PIK3CG: variants seen among roughly 807,000 people sequenced by gnomAD.
The protein encoded by PIK3CG is phosphatidylinositol-4,5-bisphosphate 3-kinase catalytic subunit gamma.
In PIK3CG, 55 loss-of-function variants were observed where a neutral mutation model predicts 102.3. The observed-to-expected ratio is 0.54, with a 90% CI of 0.43 to 0.67. The LOEUF is 0.67. Ranked by LOEUF, PIK3CG falls within the 30% of genes least tolerant of loss-of-function variation. PIK3CG has a pLI of 0.00. For synonymous variants in PIK3CG, 552 were observed against 540.0 expected (o/e 1.02, Z -0.31); for missense variants, 1,258 against 1,391.8 (o/e 0.90, Z 1.53).
Position 106,874,855 on chromosome 7 carries a change from A to G in PIK3CG, c.2391+52A>G. 8.2e-7 allele frequency: 1 copy of G among 1,214,370 alleles called. No individual in the cohort carries two copies. Among genetic ancestry groups the G allele is most frequent in the Non-Finnish European group, 1.2e-6 (1 of 826,602 alleles). 75.2% of individuals were successfully genotyped at this position (1,214,370 alleles called of 1,614,324 possible). A position where few individuals can be genotyped will look rare whatever the true frequency, so the allele number is the denominator to read the frequency against. ...TGGTCTTTATGTCTTGAAGATGTCT[A>G]ACGTGCTTGCTGGGGCCCAGTACTT... On this transcript the variant is annotated intron_variant, in intron 5 of 10. Coordinates refer to ENST00000496166, the MANE Select transcript of PIK3CG (RefSeq NM_001282426.2). The surrounding 1 kb of genome is among the most constrained non-coding windows in gnomAD (Gnocchi z 4.3).
chr7:106,870,495 C>G (rs948409507), intron 2 of PIK3CG, among the ~76,000 whole-genome samples: 4 of 152,192 alleles, frequency 2.6e-5, no homozygotes, highest in Admixed American at 6.5e-5. Context: ...ACTGAGAAGA[C>G]TGGCATTAAA....
chr7:106,875,100 C>A (rs141128712), intron 5 of PIK3CG, among the ~76,000 whole-genome samples: 1 of 152,114 alleles, frequency 6.6e-6, no homozygotes, highest in Non-Finnish European at 1.5e-5. Context: ...CCTGTAATCC[C>A]AGCACTTTGG....
At chr7:106,886,327 C>G (rs758183534) in intron 10 of PIK3CG, 35 bp downstream of exon 10, 4 of 1,609,830 alleles carry the variant, frequency 2.5e-6, no homozygotes, top group Non-Finnish European at 3.4e-6. Context: ...CTGAGAATAG[C>G]ACCGAAGCAG....
intron 9 of PIK3CG, among the ~76,000 whole-genome samples, chr7:106,885,573 C>A (rs1051821499): frequency 2.0e-5 from 3 of 151,882 alleles, no homozygotes; most frequent in African/African-American, 7.3e-5. Flanking sequence ...TGATAAAGGG[C>A]TAAACAAATA....
At chr7:106,878,451 CCTCT>C (rs765838200) in intron 5 of PIK3CG, among the ~76,000 whole-genome samples, 6 of 152,094 alleles carry the variant, frequency 3.9e-5, no homozygotes, top group African/African-American at 7.2e-5. Flanking sequence ...TCTTTTCTCT[CCTCT>C]CTGAGACTTC....
Position 106,868,758 on chromosome 7 carries a change from C to G in PIK3CG, c.1197C>G (p.Thr399=), listed in dbSNP as rs775027202. The change falls in exon 2 of 11, where the codon ACC becomes ACG. Residue 399 remains threonine, a synonymous_variant. Coordinates refer to ENST00000496166, the MANE Select transcript of PIK3CG (RefSeq NM_001282426.2). This position sits in a 1 kb window ranked among gnomAD's most constrained non-coding sequence, Gnocchi z 6.2. The stretch of plus-strand genomic sequence containing the variant: ...AACAAGTCCTTTGCCAAAGGAGAAC[C>G]AGCCCCAAACCCTTCACAGAGGAGG... ...HGQQVLCQRR[T]SPKPFTEEVL... 42 of 1,614,090 alleles carry G rather than the reference C, an allele frequency of 2.6e-5. No homozygotes were observed. In the East Asian group the frequency reaches 4.9e-4, roughly 19 times the overall value.
chr7:106,866,765 T>C (rs914202847), intron 1 of PIK3CG, among the ~76,000 whole-genome samples: 15 of 152,226 alleles, frequency 9.9e-5, no homozygotes, highest in African/African-American at 3.4e-4. Flanking sequence ...ATTTTACATA[T>C]CTGCAAATGG....
intron 2 of PIK3CG, among the ~76,000 whole-genome samples, chr7:106,871,259 G>A (rs1049631376): frequency 3.3e-5 from 5 of 152,238 alleles, no homozygotes; most frequent in African/African-American, 1.2e-4. Flanking sequence ...AAGAAGGTCA[G>A]AAAGACTCAC....
At position 106,902,676 on chromosome 7, in the gene PIK3CG, T is replaced by C. The variant is rs1426356831; in HGVS notation, c.3031-2433T>C. Among the ~76,000 whole-genome samples the C allele has an allele frequency of 6.6e-6, 1 of 152,164 alleles. No homozygotes were observed. Among genetic ancestry groups the C allele is most frequent in the East Asian group, 1.9e-4 (1 of 5,196 alleles). ...TGTCTTACAGTGTGAATTTTTGTTA[T>C]GTTTTTGGCCTGTATTTCTGGCCAA... On this transcript the variant is annotated intron_variant, in intron 10 of 10. Transcript: ENST00000496166. This position sits in a 1 kb window ranked among gnomAD's most constrained non-coding sequence, Gnocchi z 4.3.
chr7:106,901,186 T>C (rs2116607544), intron 10 of PIK3CG, among the ~76,000 whole-genome samples: 1 of 152,296 alleles, frequency 6.6e-6, no homozygotes, highest in East Asian at 1.9e-4. Context: ...CTTTCAGGGA[T>C]GCCAGTGATT....
At chr7:106,871,524 A>G (rs762908559) in intron 2 of PIK3CG, among the ~76,000 whole-genome samples, 22 of 152,206 alleles carry the variant, frequency 1.4e-4, no homozygotes, top group Non-Finnish European at 3.1e-4. Context: ...TAGAATGTGA[A>G]TTTCTTCCGT....
In PIK3CG at chr7:106,879,442, TG is replaced by T; in HGVS notation, c.2392-76del. 1 of 1,157,736 alleles carries T rather than the reference TG, an allele frequency of 8.6e-7. No individual in the cohort carries two copies. Among genetic ancestry groups the T allele is most frequent in the Non-Finnish European group, 1.3e-6 (1 of 773,508 alleles). 71.7% of individuals were successfully genotyped at this position (1,157,736 alleles called of 1,614,324 possible). On this transcript the variant is annotated intron_variant, in intron 5 of 10. Coordinates refer to ENST00000496166, the MANE Select transcript of PIK3CG (RefSeq NM_001282426.2). This position sits in a 1 kb window ranked among gnomAD's most constrained non-coding sequence, Gnocchi z 4.9. ...GTCCTTGTTGTTTATAGTGATGTTT[TG>T]CAAGAGAATTTGTGTCTCCACCATG... is the stretch of plus-strand genomic sequence containing the variant.
Position 106,907,546 on chromosome 7 carries a change from C to T in PIK3CG, c.*2159C>T, listed in dbSNP as rs1258732186. ...TCTAATTCAGAAGAGGATGTTTTCA[C>T]TATTCTGATAAACAATAGCCAAGTT... On this transcript the variant is annotated 3_prime_UTR_variant, in exon 11 of 11. Coordinates refer to ENST00000496166, the MANE Select transcript of PIK3CG (RefSeq NM_001282426.2). 1.3e-5 allele frequency among the ~76,000 whole-genome samples: 2 copies of T among 152,162 alleles called. No individual in the cohort carries two copies. The highest frequency in any genetic ancestry group is 1.9e-4 in the East Asian group (1 of 5,178).
chr7:106,875,790 A>C (rs575410560), intron 5 of PIK3CG, among the ~76,000 whole-genome samples: 18 of 152,190 alleles, frequency 1.2e-4, no homozygotes, highest in African/African-American at 4.3e-4. Context: ...GTGTGTGTGT[A>C]ATTTTACAAG....
chr7:106,875,907 T>TTG (rs1554421828), intron 5 of PIK3CG, among the ~76,000 whole-genome samples: 2 of 124,438 alleles, frequency 1.6e-5, no homozygotes, highest in Non-Finnish European at 3.5e-5. Context: ...AGTTTTTTTT[T>TTG]TGTTTTTTTT....
chr7:106,883,985 G>A lies in PIK3CG; in HGVS notation c.2761-170G>A, dbSNP rs1791014673. ...TGAATCTTCACCTAAAATATAAGCA[G>A]AGCAATGAGAAAGTTGGCAATTCAT... is the stretch of plus-strand genomic sequence containing the variant. On this transcript the variant is annotated intron_variant, in intron 8 of 10. Transcript: ENST00000496166. The surrounding 1 kb of genome is among the most constrained non-coding windows in gnomAD (Gnocchi z 5.8). 6.6e-6 allele frequency among the ~76,000 whole-genome samples: 1 copy of A among 152,118 alleles called. No homozygotes were observed. Among genetic ancestry groups the A allele is most frequent in the South Asian group, 2.1e-4 (1 of 4,824 alleles).
At chr7:106,873,902 AAC>A (rs1330130314) in intron 4 of PIK3CG, among the ~76,000 whole-genome samples, 1 of 152,184 alleles carries the variant, frequency 6.6e-6, no homozygotes, top group Non-Finnish European at 1.5e-5. Context: ...TAAAGTCTTT[AAC>A]ATATCTTCCT....
At chr7:106,904,783 A>G (rs12536620) in intron 10 of PIK3CG, among the ~76,000 whole-genome samples, 63,500 of 152,014 alleles carry the variant, frequency 0.42, 13,384 homozygotes, top group Non-Finnish European at 0.44. Context: ...AAGCTGACTC[A>G]TTGCTCTTCA....
chr7:106,895,436 A>C lies in PIK3CG; in HGVS notation c.3030+9144A>C, dbSNP rs1791382179. ...GCTGAGTCCAAAAGGCAGAAATGAA[A>C]CTTCTGGGACTGAGCGGGCAGGGCA... is the stretch of plus-strand genomic sequence containing the variant. On this transcript the variant is annotated intron_variant, in intron 10 of 10. Transcript: ENST00000496166. This position sits in a 1 kb window ranked among gnomAD's most constrained non-coding sequence, Gnocchi z 5.4. Among the ~76,000 whole-genome samples the C allele has an allele frequency of 6.6e-6, 1 of 152,192 alleles. No individual in the cohort carries two copies. The highest frequency in any genetic ancestry group is 6.5e-5 in the Admixed American group (1 of 15,280).
Sources: gnomAD v4.1 joint callset for allele counts (sites outside exome capture counted in the v4.1 genomes callset) on GRCh38, gnomAD v4.1.1 for gene constraint, Gnocchi (gnomAD v3.1) non-coding constraint, MANE v1.5 for transcripts, NCBI Gene and HGNC (gene_info 2026-07-23, HGNC 2026-07-21) for gene names.